Variants in BBS9 observed in about 807,000 individuals in gnomAD.
BBS9 encodes protein PTHB1.
A neutral mutation model predicts 117.7 loss-of-function variants in BBS9; 89 were observed. The ratio of observed to expected loss-of-function variants is 0.76; its 90% CI spans 0.64 to 0.90. The LOEUF (loss-of-function observed/expected upper bound fraction) is 0.90, where lower values mean the gene tolerates loss of function less well. Among genes scored for constraint, BBS9 ranks in the 40% least tolerant of loss-of-function variants. The pLI, the probability that BBS9 is intolerant of heterozygous loss-of-function variation, is 0.00. For missense variants in BBS9, 982 were observed against 1,042.2 expected (o/e 0.94, Z 0.80); for synonymous variants, 379 against 370.9 (o/e 1.02, Z -0.25).
intron 19 of BBS9, among the ~76,000 whole-genome samples, chr7:33,425,073 C>A (rs960710900): frequency 2.0e-5 from 3 of 152,102 alleles, no homozygotes; most frequent in African/African-American, 7.2e-5. Context: ...AACCACTTAT[C>A]TAAGGACATT....
chr7:33,482,180 G>C (rs942974768), intron 19 of BBS9, among the ~76,000 whole-genome samples: 4 of 152,026 alleles, frequency 2.6e-5, no homozygotes, highest in Non-Finnish European at 1.5e-5. Flanking sequence ...GGAACATACT[G>C]TTTGTTCTCA....
chr7:33,141,598 C>T (rs967105530), intron 1 of BBS9, among the ~76,000 whole-genome samples: 1 of 152,072 alleles, frequency 6.6e-6, no homozygotes, highest in Admixed American at 6.6e-5. Flanking sequence ...AGATGTTAGC[C>T]ACCGTGCCCA....
chr7:33,566,105 G>T (rs1283793659), intron 21 of BBS9, among the ~76,000 whole-genome samples: 1 of 150,886 alleles, frequency 6.6e-6, no homozygotes, highest in East Asian at 1.9e-4. Context: ...TGCCTTATGG[G>T]TAACAGACTC....
intron 16 of BBS9, among the ~76,000 whole-genome samples, chr7:33,361,970 G>A (rs1243162130): frequency 6.6e-6 from 1 of 152,036 alleles, no homozygotes; most frequent in Non-Finnish European, 1.5e-5. Flanking sequence ...GTATTTATCT[G>A]TGCAACCATC....
chr7:33,255,207 C>CA (rs1187498682), intron 5 of BBS9, among the ~76,000 whole-genome samples: 2 of 151,986 alleles, frequency 1.3e-5, no homozygotes, highest in African/African-American at 2.4e-5. Flanking sequence ...GTGTCCTATC[C>CA]AAAAAATCAT....
chr7:33,130,553 T>C (rs1789430304), intron 1 of BBS9, among the ~76,000 whole-genome samples: 1 of 152,194 alleles, frequency 6.6e-6, no homozygotes, highest in South Asian at 2.1e-4. Flanking sequence ...ACTTTAAAAA[T>C]GAAACCGTAT....
chr7:33,526,348 C>T (rs970046313), intron 20 of BBS9, among the ~76,000 whole-genome samples: 6 of 152,130 alleles, frequency 3.9e-5, no homozygotes, highest in African/African-American at 1.4e-4. Flanking sequence ...GAGTGTTTTC[C>T]AACTCGGTTC....
At chr7:33,632,388 A>G (rs1447287864) in intron 21 of BBS9, among the ~76,000 whole-genome samples, 4 of 152,118 alleles carry the variant, frequency 2.6e-5, no homozygotes, top group African/African-American at 4.8e-5. Flanking sequence ...TTTGTTTGCC[A>G]TTATCTTCTG....
intron 19 of BBS9, among the ~76,000 whole-genome samples, chr7:33,416,034 G>A (rs56268815): frequency 0.097 from 14,703 of 151,872 alleles, 988 homozygotes; most frequent in Non-Finnish European, 0.15. Context: ...GGGTTTTGCC[G>A]TGTTGCCCAG....
At chr7:33,129,347 C>T (rs992930104), upstream of BBS9, 2 of 520,842 alleles carry the variant, frequency 3.8e-6, no homozygotes, top group African/African-American at 1.9e-5. Context: ...GGAACTGCTG[C>T]CAGGACAGGG....
At chr7:33,292,823 T>C (rs1452564731) in intron 9 of BBS9, among the ~76,000 whole-genome samples, 1 of 151,968 alleles carries the variant, frequency 6.6e-6, no homozygotes, top group Non-Finnish European at 1.5e-5. Context: ...CTGACCAAGA[T>C]GGTGAAACCC....
intron 19 of BBS9, among the ~76,000 whole-genome samples, chr7:33,396,942 CT>C (rs1828069148): frequency 1.3e-5 from 2 of 152,132 alleles, no homozygotes; most frequent in African/African-American, 4.8e-5. Flanking sequence ...GGAGAGCTAG[CT>C]AGCCATATGC....
At chr7:33,186,365 G>A (rs1562759984) in intron 5 of BBS9, among the ~76,000 whole-genome samples, 1 of 152,170 alleles carries the variant, frequency 6.6e-6, no homozygotes, top group Non-Finnish European at 1.5e-5. Context: ...GAGTGGTGGA[G>A]GGAGGATTTC....
Position 33,152,837 on chromosome 7 carries a change from A to G in BBS9, c.249A>G (p.Val83=), listed in dbSNP as rs377626008. The change falls in exon 3 of 23, where the codon GTA becomes GTG. Residue 83 remains valine (V), a synonymous_variant. Transcript: ENST00000242067. ...GAGATCCAGTACTTCAAGTGGAAGT[A>G]GGAAAGTTTGTTTCGTAAGTAAGCC... ...DLRDPVLQVE[V]GKFVSGTEML... 1 of 1,614,058 alleles carries G rather than the reference A, an allele frequency of 6.2e-7. No homozygotes were observed. Among genetic ancestry groups the G allele is most frequent in the East Asian group, 2.2e-5 (1 of 44,834 alleles).
intron 7 of BBS9, among the ~76,000 whole-genome samples, chr7:33,266,352 T>G (rs1798818698): frequency 6.6e-6 from 1 of 152,224 alleles, no homozygotes; most frequent in African/African-American, 2.4e-5. Flanking sequence ...ATAAGATAGT[T>G]GTGGGAAGTC....
chr7:33,344,748 A>T, intron 12 of BBS9, 114 bp downstream of exon 12: 1 of 1,119,258 alleles, frequency 8.9e-7, no homozygotes, highest in Non-Finnish European at 1.4e-6. Flanking sequence ...AACACTTGGC[A>T]TTTGTAGATT....
chr7:33,207,759 CAT>C (rs1787218677), intron 5 of BBS9, among the ~76,000 whole-genome samples: 1 of 152,028 alleles, frequency 6.6e-6, no homozygotes, highest in Non-Finnish European at 1.5e-5. Flanking sequence ...TGTACATAAA[CAT>C]ATACATATAT....
At chr7:33,130,842 G>A (rs911899419) in intron 1 of BBS9, among the ~76,000 whole-genome samples, 1 of 151,788 alleles carries the variant, frequency 6.6e-6, no homozygotes, top group African/African-American at 2.4e-5. Context: ...ATTTTTCCTT[G>A]TGTGTAATTG....
At chr7:33,173,934 A>G (rs1796971000) in intron 4 of BBS9, among the ~76,000 whole-genome samples, 1 of 152,224 alleles carries the variant, frequency 6.6e-6, no homozygotes, top group Non-Finnish European at 1.5e-5. Flanking sequence ...AGTGGGTAGA[A>G]CACAGAAATT....
Sources: allele counts gnomAD v4.1 joint callset (sites outside exome capture counted in the v4.1 genomes callset), GRCh38; gene constraint gnomAD v4.1.1; transcripts MANE v1.5; gene names NCBI Gene and HGNC (gene_info 2026-07-23, HGNC 2026-07-21).